The following AOAH variants were observed in gnomAD, a reference collection of about 807,000 sequenced individuals.
The protein encoded by AOAH is acyloxyacyl hydrolase, also known as acyloxyacyl hydrolase (neutrophil).
Under a neutral mutation model 92.2 loss-of-function variants are expected in AOAH, and 64 were observed. The ratio of observed to expected loss-of-function variants is 0.69; its 90% CI spans 0.57 to 0.86. The LOEUF (loss-of-function observed/expected upper bound fraction) is 0.86, where lower values mean the gene tolerates loss of function less well. Ranked by LOEUF, AOAH falls within the 40% of genes least tolerant of loss-of-function variation. The pLI is 0.00. For missense variants in AOAH, 656 were observed against 694.6 expected (o/e 0.94, Z 0.62); for synonymous variants, 263 against 254.5 (o/e 1.03, Z -0.32).
intron 4 of AOAH, among the ~76,000 whole-genome samples, chr7:36,656,190 G>A (rs923803106): frequency 6.6e-6 from 1 of 152,210 alleles, no homozygotes; most frequent in Admixed American, 6.5e-5. Flanking sequence ...TACATCAAAA[G>A]ATGATTGGGG....
intron 11 of AOAH, among the ~76,000 whole-genome samples, chr7:36,613,994 T>TGA (rs2115926288): frequency 6.6e-6 from 1 of 152,316 alleles, no homozygotes; most frequent in East Asian, 1.9e-4. Context: ...AGAGACTGTT[T>TGA]GAGTTCATGT....
At chr7:36,548,708 C>A (rs1785975299) in intron 14 of AOAH, 22 bp from the exon 15 acceptor site, 1 of 1,605,206 alleles carries the variant, frequency 6.2e-7, no homozygotes, top group Admixed American at 1.7e-5. Flanking sequence ...TAGATGGAAT[C>A]TGAATGTCAG....
At chr7:36,566,609 G>A (rs1175801661) in intron 13 of AOAH, among the ~76,000 whole-genome samples, 1 of 152,064 alleles carries the variant, frequency 6.6e-6, no homozygotes, top group Non-Finnish European at 1.5e-5. Flanking sequence ...GCCAGCACCA[G>A]GGAAAAGCCA....
rs1583710446 is a variant in AOAH at position 36,517,994 on chromosome 7, C to T, written c.1599+4045G>A. On this transcript the variant is annotated intron_variant, in intron 20 of 20. Coordinates refer to ENST00000617537, the MANE Select transcript of AOAH (RefSeq NM_001637.4). ...ACGCACACACACACACTGGATTCCT[C>T]TTGAATATCATTTTGTAATCTGCTC... Among the ~76,000 whole-genome samples, 4 of 151,318 alleles carry T rather than the reference C, an allele frequency of 2.6e-5. No homozygotes were observed. The South Asian group carries it at 8.3e-4, about 32-fold the overall frequency.
At chr7:36,615,218 G>T (rs1051769988) in intron 11 of AOAH, among the ~76,000 whole-genome samples, 1 of 152,150 alleles carries the variant, frequency 6.6e-6, no homozygotes, top group Admixed American at 6.5e-5. Flanking sequence ...TGTTACAGTG[G>T]CATGTAAAAC....
intron 4 of AOAH, among the ~76,000 whole-genome samples, chr7:36,652,704 C>T (rs887009309): frequency 1.3e-5 from 2 of 152,348 alleles, no homozygotes; most frequent in East Asian, 1.9e-4. Context: ...AAACCCCTAA[C>T]ACTGTCGAAC....
intron 11 of AOAH, chr7:36,594,727 T>TA: frequency 2.5e-6 from 1 of 396,290 alleles, no homozygotes; most frequent in South Asian, 2.7e-5. Context: ...TTCCCATTCT[T>TA]ACATTTTCTG....
chr7:36,718,423 T>C (rs1178895251), intron 1 of AOAH, among the ~76,000 whole-genome samples: 2 of 152,160 alleles, frequency 1.3e-5, no homozygotes, highest in Non-Finnish European at 2.9e-5. Context: ...AAGATGGTAT[T>C]ACCGCATGCC....
intron 12 of AOAH, among the ~76,000 whole-genome samples, chr7:36,588,431 C>A (rs1789508348): frequency 6.6e-6 from 1 of 152,236 alleles, no homozygotes; most frequent in South Asian, 2.1e-4. Flanking sequence ...TCAGCCTCAC[C>A]CAACTTCAGA....
chr7:36,562,433 C>A (rs1413559311), intron 13 of AOAH, among the ~76,000 whole-genome samples: 1 of 152,114 alleles, frequency 6.6e-6, no homozygotes, highest in Non-Finnish European at 1.5e-5. Context: ...CTGATCCCTG[C>A]GATCATAGTT....
intron 2 of AOAH, among the ~76,000 whole-genome samples, chr7:36,676,166 G>T (rs1194850969): frequency 6.6e-6 from 1 of 152,190 alleles, no homozygotes; most frequent in African/African-American, 2.4e-5. Context: ...GGAAAGTAAA[G>T]ATGTAAGACT....
At chr7:36,557,836 C>T (rs1304753005) in intron 13 of AOAH, among the ~76,000 whole-genome samples, 1 of 152,070 alleles carries the variant, frequency 6.6e-6, no homozygotes, top group Non-Finnish European at 1.5e-5. Flanking sequence ...TCAGCTCCAT[C>T]AGCTCCTTTA....
At chr7:36,603,490 G>A (rs534864363) in intron 11 of AOAH, among the ~76,000 whole-genome samples, 1 of 152,288 alleles carries the variant, frequency 6.6e-6, no homozygotes, top group South Asian at 2.1e-4. Context: ...TCTCATGGTA[G>A]CTTGTGCATG....
At chr7:36,630,501 T>C (rs1032229843) in intron 6 of AOAH, among the ~76,000 whole-genome samples, 1 of 152,166 alleles carries the variant, frequency 6.6e-6, no homozygotes, top group Non-Finnish European at 1.5e-5. Context: ...ATTCGCAGTC[T>C]TGCACCTGTA....
chr7:36,576,746 A>T, intron 12 of AOAH, 90 bp from the exon 13 acceptor site: 1 of 618,034 alleles, frequency 1.6e-6, no homozygotes, highest in Admixed American at 3.1e-5. Context: ...CTTTTAAAAA[A>T]ATATGGTTAA....
At chr7:36,571,015 A>G (rs981551331) in intron 13 of AOAH, among the ~76,000 whole-genome samples, 21 of 152,342 alleles carry the variant, frequency 1.4e-4, no homozygotes, top group South Asian at 6.2e-4. Context: ...GGAAAGTGCA[A>G]TAACAGAGGC....
intron 2 of AOAH, among the ~76,000 whole-genome samples, chr7:36,676,138 A>G (rs1796243699): frequency 6.6e-6 from 1 of 152,220 alleles, no homozygotes; most frequent in Non-Finnish European, 1.5e-5. Flanking sequence ...AGAAAAAGAA[A>G]TAAAAAGCAT....
At chr7:36,524,961 C>T (rs1457409363) in intron 19 of AOAH, among the ~76,000 whole-genome samples, 1 of 152,104 alleles carries the variant, frequency 6.6e-6, no homozygotes. Context: ...CCCAGGTATG[C>T]TAATAACAGC....
intron 4 of AOAH, among the ~76,000 whole-genome samples, chr7:36,641,572 T>C (rs1490310903): frequency 6.6e-6 from 1 of 152,184 alleles, no homozygotes; most frequent in African/African-American, 2.4e-5. Flanking sequence ...TTTTCAGATA[T>C]TTCCTTTGAA....
Sources: allele counts gnomAD v4.1 joint callset (sites outside exome capture counted in the v4.1 genomes callset), GRCh38; gene constraint gnomAD v4.1.1; transcripts MANE v1.5; gene names NCBI Gene and HGNC (gene_info 2026-07-23, HGNC 2026-07-21).